THSD4: variants seen among roughly 807,000 people sequenced by gnomAD.
The protein encoded by THSD4 is thrombospondin type-1 domain-containing protein 4.
In THSD4, 69 loss-of-function variants were observed where a neutral mutation model predicts 119.0. The ratio of observed to expected loss-of-function variants is 0.58; its 90% CI spans 0.48 to 0.71. The LOEUF (loss-of-function observed/expected upper bound fraction) is 0.71. Among genes scored for constraint, THSD4 ranks in the 30% least tolerant of loss-of-function variants. THSD4 has a pLI of 0.00. For synonymous variants in THSD4, 524 were observed against 540.4 expected (o/e 0.97, Z 0.42); for missense variants, 1,393 against 1,391.1 (o/e 1.00, Z -0.02).
At chr15:71,272,788 C>T (rs1460163071) in intron 6 of THSD4, among the ~76,000 whole-genome samples, 2 of 151,810 alleles carry the variant, frequency 1.3e-5, no homozygotes, top group African/African-American at 2.4e-5. Flanking sequence ...CACTTGAACC[C>T]GGGAGGCGGA....
chr15:71,724,150 G>T (rs1392230636), intron 8 of THSD4, among the ~76,000 whole-genome samples: 2 of 149,626 alleles, frequency 1.3e-5, no homozygotes, highest in Non-Finnish European at 3.0e-5. Context: ...ACCGTGGAGG[G>T]AAGATGATGT....
rs1229655617 is a variant in THSD4 at position 71,115,780 on chromosome 15, C to G, written c.-80+82C>G. 1.3e-5 allele frequency: 2 copies of G among 150,016 alleles called. No individual in the cohort carries two copies. Among genetic ancestry groups the G allele is most frequent in the Non-Finnish European group, 3.0e-5 (2 of 67,310 alleles). 9.3% of individuals were successfully genotyped at this position (150,016 alleles called of 1,614,324 possible). Reference sequence around the variant, plus strand: ...GGCTTCCGCTGCCCAGGCTCCGGCTCCCGCTCTCTGGCCGGCGGGGCGGGC... The same window carrying G: ...GGCTTCCGCTGCCCAGGCTCCGGCTGCCGCTCTCTGGCCGGCGGGGCGGGC... On this transcript the variant is annotated intron_variant, in intron 1 of 17. Transcript: ENST00000261862. The surrounding 1 kb of genome is among the most constrained non-coding windows in gnomAD (Gnocchi z 4.4).
chr15:71,476,361 A>C (rs10163028), intron 7 of THSD4, among the ~76,000 whole-genome samples: 119,572 of 152,134 alleles, frequency 0.79, 47,119 homozygotes, highest in Admixed American at 0.8. Flanking sequence ...CCTCCAGAGT[A>C]GTTGGGATTA....
chr15:71,512,048 AC>A, intron 7 of THSD4, among the ~76,000 whole-genome samples: 1 of 152,262 alleles, frequency 6.6e-6, no homozygotes, highest in East Asian at 1.9e-4. Context: ...CCCTACAGAG[AC>A]CTTTCTCTGG....
chr15:71,581,399 T>C (rs980240420), intron 7 of THSD4, among the ~76,000 whole-genome samples: 1 of 152,170 alleles, frequency 6.6e-6, no homozygotes, highest in African/African-American at 2.4e-5. Context: ...TTTTTGCTAC[T>C]GAGTCAAGCC....
chr15:71,165,552 T>C (rs2043287309), intron 3 of THSD4: 5 of 686,794 alleles, frequency 7.3e-6, no homozygotes, highest in Non-Finnish European at 1.2e-5. Context: ...TTAACTTTCA[T>C]AGCAAGAGCC....
intron 3 of THSD4, among the ~76,000 whole-genome samples, chr15:71,192,894 CTT>C (rs2043685293): frequency 6.6e-6 from 1 of 152,160 alleles, no homozygotes; most frequent in African/African-American, 2.4e-5. Context: ...GCTGTAATCT[CTT>C]GTTAGATTAG....
intron 1 of THSD4, among the ~76,000 whole-genome samples, chr15:71,097,710 A>G (rs902505841): frequency 1.5e-4 from 14 of 94,802 alleles, no homozygotes; most frequent in Non-Finnish European, 2.2e-4. Context: ...AGAAAGATGT[A>G]TATATATATA....
At position 71,731,238 on chromosome 15, in the gene THSD4, G is replaced by C. The variant is rs1194092579; in HGVS notation, c.1630+21G>C. ...ACCAGGTAGAATCCCTTGTCTTGTG[G>C]CCGGGGACTCTGGTCATTTCCTTGT... is the stretch of plus-strand genomic sequence containing the variant. On this transcript the variant is annotated intron_variant, in intron 10 of 17. Transcript: ENST00000261862. 9 of 1,607,556 alleles carry C rather than the reference G, an allele frequency of 5.6e-6. No homozygotes were observed. In the African/African-American group the frequency reaches 1.1e-4, roughly 19 times the overall value.
chr15:71,588,284 C>G (rs1253171424), intron 7 of THSD4, among the ~76,000 whole-genome samples: 1 of 125,198 alleles, frequency 8.0e-6, no homozygotes, highest in African/African-American at 3.1e-5. Flanking sequence ...CCAGCCTGGG[C>G]GACAGAGCGA....
At chr15:71,100,640 A>C (rs962396426) in intron 1 of THSD4, among the ~76,000 whole-genome samples, 13 of 152,178 alleles carry the variant, frequency 8.5e-5, no homozygotes, top group African/African-American at 3.1e-4. Flanking sequence ...AGAAACAGAT[A>C]TCTAATATTT....
At chr15:71,342,457 G>A (rs1289790030) in intron 6 of THSD4, 1 of 152,776 alleles carries the variant, frequency 6.5e-6, no homozygotes, top group Non-Finnish European at 1.5e-5. Context: ...GTCTCAGCAT[G>A]GGAGTCCCTC....
At chr15:71,320,560 A>T (rs2045252236) in intron 6 of THSD4, among the ~76,000 whole-genome samples, 1 of 152,200 alleles carries the variant, frequency 6.6e-6, no homozygotes, top group African/African-American at 2.4e-5. Flanking sequence ...AGCCCACGTT[A>T]GATTGGTAAA....
intron 7 of THSD4, among the ~76,000 whole-genome samples, chr15:71,486,750 C>G (rs1595816370): frequency 6.6e-6 from 1 of 151,836 alleles, no homozygotes; most frequent in African/African-American, 2.4e-5. Flanking sequence ...GTTGTGAATG[C>G]TGGCTCATGG....
intron 1 of THSD4, among the ~76,000 whole-genome samples, chr15:71,137,868 A>G (rs2040565699): frequency 1.3e-5 from 2 of 152,154 alleles, no homozygotes; most frequent in African/African-American, 4.8e-5. Context: ...CAACTTCAAT[A>G]TATGTCTGGT....
chr15:71,195,466 G>A (rs1279349425), intron 3 of THSD4, among the ~76,000 whole-genome samples: 1 of 152,142 alleles, frequency 6.6e-6, no homozygotes, highest in Non-Finnish European at 1.5e-5. Context: ...AATGAATGAG[G>A]TTTTCTGACA....
chr15:71,357,333 G>T (rs1292119000), intron 6 of THSD4, among the ~76,000 whole-genome samples: 1 of 152,198 alleles, frequency 6.6e-6, no homozygotes, highest in Non-Finnish European at 1.5e-5. Context: ...CCCCATCGCT[G>T]AGGTGTTGCT....
chr15:71,698,721 A>G (rs377229972), intron 8 of THSD4, among the ~76,000 whole-genome samples: 4 of 151,112 alleles, frequency 2.6e-5, no homozygotes, highest in African/African-American at 4.9e-5. Flanking sequence ...CACACACCCA[A>G]TGGAATATTA....
At chr15:71,391,901 G>A (rs76714342) in intron 6 of THSD4, among the ~76,000 whole-genome samples, 7,656 of 152,194 alleles carry the variant, frequency 0.05, 631 homozygotes, top group African/African-American at 0.17. Context: ...ACAGAGGAAG[G>A]AAATAGAATA....
Sources: gnomAD v4.1 joint callset for allele counts (sites outside exome capture counted in the v4.1 genomes callset) on GRCh38, gnomAD v4.1.1 for gene constraint, Gnocchi (gnomAD v3.1) non-coding constraint, MANE v1.5 for transcripts, NCBI Gene and HGNC (gene_info 2026-07-23, HGNC 2026-07-21) for gene names.